NOTCH2NLR: variants seen among roughly 807,000 people sequenced by gnomAD.
NOTCH2NLR encodes the protein notch 2 N-terminal like R (pseudogene).
Under a neutral mutation model 35.6 loss-of-function variants are expected in NOTCH2NLR, and 33 were observed. That is an observed-to-expected ratio of 0.93 (90% CI 0.70 to 1.24). The LOEUF (loss-of-function observed/expected upper bound fraction) is 1.24, where lower values mean the gene tolerates loss of function less well. NOTCH2NLR is among the 50% of genes most tolerant of loss of function. The pLI is 0.00. For missense variants in NOTCH2NLR, 276 were observed against 362.2 expected, an observed-to-expected ratio of 0.76 and a Z score of 1.93; for synonymous variants, 103 against 141.0, an observed-to-expected ratio of 0.73 and a Z score of 1.91.
rs1651511124 is a variant in NOTCH2NLR at position 120,793,080 on chromosome 1, C to T, written c.416-81C>T. Reference sequence around the variant, plus strand: ...TTGAGGTCTTCTCCACGCAAGAGCTCGCTGATGTCAATGAGGTATTGAGGA... The same window carrying T: ...TTGAGGTCTTCTCCACGCAAGAGCTTGCTGATGTCAATGAGGTATTGAGGA... On this transcript the variant is annotated intron_variant, in intron 3 of 4. Coordinates refer to ENST00000624419, the Ensembl canonical transcript of NOTCH2NLR. 16 of 654,334 alleles carry T rather than the reference C, an allele frequency of 2.4e-5. 2 individuals carry two copies. Among genetic ancestry groups the T allele is most frequent in the Middle Eastern group, 5.5e-4 (2 of 3,608 alleles). The allele number at this position is 654,334 out of a possible 1,614,324, so 40.5% of individuals were successfully genotyped here. A position where few individuals can be genotyped will look rare whatever the true frequency, so the allele number is the denominator to read the frequency against.
In NOTCH2NLR at chr1:120,759,717, T is replaced by C. The variant is rs1651113152; in HGVS notation, c.74-3911T>C. Among the ~76,000 whole-genome samples, 2 of 113,026 alleles carry C rather than the reference T, an allele frequency of 1.8e-5. 1 individual carries two copies. The highest frequency in any genetic ancestry group is 5.1e-4 in the South Asian group (2 of 3,954). The allele number at this position is 113,026 out of a possible 152,430, so 74.1% of individuals were successfully genotyped here. On this transcript the variant is annotated intron_variant, in intron 1 of 4. Transcript: ENST00000624419. ...TTTCTTTTTTTAAAAATTAGAATTG[T>C]CAATTTATAGTTGTATACATTTATA...
At chr1:120,752,519 AATATATATAT>A (rs1204399606) in intron 1 of NOTCH2NLR, among the ~76,000 whole-genome samples, 1 of 14,666 alleles carries the variant, frequency 6.8e-5, no homozygotes, top group Non-Finnish European at 1.0e-4. Flanking sequence ...GAAGTTCAGG[AATATATATAT>A]ATATATATAT....
rs1472765274 is a variant in NOTCH2NLR at position 120,752,548 on chromosome 1, ATATATATTT to A, written c.74-11078_74-11070del. The stretch of plus-strand genomic sequence containing the variant: ...TATATATATATATATATATATATAT[ATATATATTT>A]TTTTTTTTTTTTTTTTTCTTTTTTT... On this transcript the variant is annotated intron_variant, in intron 1 of 4. Transcript: ENST00000624419. 8.0e-4 allele frequency among the ~76,000 whole-genome samples: 9 copies of A among 11,270 alleles called. No individual in the cohort carries two copies. In the East Asian group the frequency reaches 0.014, roughly 18 times the overall value. 7.4% of individuals were successfully genotyped at this position (11,270 alleles called of 152,430 possible). A position where few individuals can be genotyped will look rare whatever the true frequency, so the allele number is the denominator to read the frequency against.
rs1480328271 is a variant in NOTCH2NLR at position 120,775,767 on chromosome 1, G to A, written c.156-9207G>A. 3.3e-4 allele frequency among the ~76,000 whole-genome samples: 25 copies of A among 76,556 alleles called. 1 individual carries two copies. Among genetic ancestry groups the A allele is most frequent in the East Asian group, 5.5e-4 (2 of 3,626 alleles). 50.2% of individuals were successfully genotyped at this position (76,556 alleles called of 152,430 possible). A position where few individuals can be genotyped will look rare whatever the true frequency, so the allele number is the denominator to read the frequency against. On this transcript the variant is annotated intron_variant, in intron 2 of 4. Coordinates refer to ENST00000624419, the Ensembl canonical transcript of NOTCH2NLR. Reference sequence around the variant, plus strand: ...TGTAGTCAGTCTTTTATCAACAACCGATGAAAGACTAATAAAAGTGCAAGA... The same window carrying A: ...TGTAGTCAGTCTTTTATCAACAACCAATGAAAGACTAATAAAAGTGCAAGA...
At position 120,758,875 on chromosome 1, in the gene NOTCH2NLR, C is replaced by T. The variant is rs1651103467; in HGVS notation, c.74-4753C>T. On this transcript the variant is annotated intron_variant, in intron 1 of 4. Coordinates refer to ENST00000624419, the Ensembl canonical transcript of NOTCH2NLR. ...TACATTGTAGCTCAAAGCATACCTC[C>T]TCAGGGAGGCCTTTCCTAGACACTA... Among the ~76,000 whole-genome samples, 2 of 78,406 alleles carry T rather than the reference C, an allele frequency of 2.6e-5. 1 individual carries two copies. The highest frequency in any genetic ancestry group is 4.5e-5 in the Non-Finnish European group (2 of 44,640). The allele number at this position is 78,406 out of a possible 152,430, so 51.4% of individuals were successfully genotyped here.
At chr1:120,729,034 G>C (rs1382773292) in intron 1 of NOTCH2NLR, among the ~76,000 whole-genome samples, 1 of 116,126 alleles carries the variant, frequency 8.6e-6, no homozygotes, top group Non-Finnish European at 1.6e-5. Context: ...TGAGTGGCAG[G>C]TCTTAGTCAC....
exon 3 of NOTCH2NLR, chr1:120,785,187 G>C (rs1651411931): frequency 6.9e-7 from 1 of 1,445,242 alleles, no homozygotes. Context: ...CATGCCATAT[G>C]CTCAGCCGGG....
At position 120,776,190 on chromosome 1, in the gene NOTCH2NLR, T is replaced by A. The variant is rs1428855957; in HGVS notation, c.156-8784T>A. Among the ~76,000 whole-genome samples, 5 of 116,834 alleles carry A rather than the reference T, an allele frequency of 4.3e-5. 1 individual carries two copies. The highest frequency in any genetic ancestry group is 1.6e-5 in the Non-Finnish European group (1 of 60,986). The allele number at this position is 116,834 out of a possible 152,430, so 76.6% of individuals were successfully genotyped here. ...ATGAGAATTAATAATTTTAGTCTGT[T>A]GACAGATAATCATAATAAGGGCTAA... On this transcript the variant is annotated intron_variant, in intron 2 of 4. Transcript: ENST00000624419.
intron 2 of NOTCH2NLR, among the ~76,000 whole-genome samples, chr1:120,767,723 C>CT (rs1292572416): frequency 1.7e-5 from 2 of 115,800 alleles, no homozygotes; most frequent in African/African-American, 1.0e-4. Flanking sequence ...TCATTAATCA[C>CT]TTTCAAGTTG....
chr1:120,768,204 C>T (rs1651215599), intron 2 of NOTCH2NLR, among the ~76,000 whole-genome samples: 3 of 114,304 alleles, frequency 2.6e-5, no homozygotes, highest in Admixed American at 2.5e-4. Context: ...GGATAGGGCT[C>T]TTATTCCCAA....
At position 120,781,512 on chromosome 1, in the gene NOTCH2NLR, T is replaced by A. The variant is rs1175390493; in HGVS notation, c.156-3462T>A. ...TAGCCTAGTGTTGAAGCACACGCAC[T>A]CTAGAGTCTACTTGGGTTTGAATCC... On this transcript the variant is annotated intron_variant, in intron 2 of 4. Transcript: ENST00000624419. Among the ~76,000 whole-genome samples the A allele has an allele frequency of 2.3e-3, 102 of 44,914 alleles. 14 individuals carry two copies. The highest frequency in any genetic ancestry group is 2.3e-3 in the Non-Finnish European group (63 of 27,054). 29.5% of individuals were successfully genotyped at this position (44,914 alleles called of 152,430 possible).
At chr1:120,784,061 G>C (rs1651395124) in intron 2 of NOTCH2NLR, among the ~76,000 whole-genome samples, 1 of 116,620 alleles carries the variant, frequency 8.6e-6, no homozygotes, top group East Asian at 2.1e-4. Context: ...TTAGGCTACA[G>C]TCATAGAAGG....
chr1:120,776,330 G>T, intron 2 of NOTCH2NLR, among the ~76,000 whole-genome samples: 1 of 94,762 alleles, frequency 1.1e-5, no homozygotes, highest in Middle Eastern at 4.5e-3. Context: ...CCATGAGAAA[G>T]TGGGGAAAAG....
At chr1:120,756,608 TA>T (rs1651083105) in intron 1 of NOTCH2NLR, among the ~76,000 whole-genome samples, 1 of 117,692 alleles carries the variant, frequency 8.5e-6, no homozygotes. Context: ...ATGCAACAAG[TA>T]AAACACATTG....
chr1:120,785,018 C>A, exon 3 of NOTCH2NLR: 2 of 1,424,426 alleles, frequency 1.4e-6, no homozygotes, highest in Non-Finnish European at 1.9e-6. Flanking sequence ...CATCGAGACC[C>A]CTGTGAGAAG....
Position 120,782,689 on chromosome 1 carries a change from TTTA to T in NOTCH2NLR, c.156-2282_156-2280del, listed in dbSNP as rs1336680391. ...TATTTCATTTATGGATATACCACAT[TTTA>T]TTTATCTGTTCATCAGCTTATAGGC... On this transcript the variant is annotated intron_variant, in intron 2 of 4. Coordinates refer to ENST00000624419, the Ensembl canonical transcript of NOTCH2NLR. Among the ~76,000 whole-genome samples the T allele has an allele frequency of 4.8e-3, 444 of 92,536 alleles. 93 individuals carry two copies. Among genetic ancestry groups the T allele is most frequent in the African/African-American group, 0.031 (429 of 13,930 alleles). The allele number at this position is 92,536 out of a possible 152,430, so 60.7% of individuals were successfully genotyped here.
chr1:120,792,501 A>G (rs1481147503), intron 3 of NOTCH2NLR, among the ~76,000 whole-genome samples: 1 of 106,956 alleles, frequency 9.3e-6, no homozygotes, highest in Non-Finnish European at 1.8e-5. Flanking sequence ...ACAGAAGGGA[A>G]GTTGATTTTT....
chr1:120,766,110 C>T (rs1285213071), intron 2 of NOTCH2NLR, among the ~76,000 whole-genome samples: 1 of 41,888 alleles, frequency 2.4e-5, no homozygotes, highest in Admixed American at 2.3e-4. Context: ...AACAAACCTG[C>T]ACATTCTGCA....
Position 120,734,371 on chromosome 1 carries a change from A to G in NOTCH2NLR, c.73+10121A>G, listed in dbSNP as rs1316025064. The stretch of plus-strand genomic sequence containing the variant: ...GAATGAGGACATTTCTGATCAACCA[A>G]GGAAGGAAACCTATTTGAAGGATTA... On this transcript the variant is annotated intron_variant, in intron 1 of 4. Transcript: ENST00000624419. Among the ~76,000 whole-genome samples the G allele has an allele frequency of 8.6e-5, 6 of 69,892 alleles. 1 individual carries two copies. The highest frequency in any genetic ancestry group is 1.6e-4 in the Non-Finnish European group (6 of 38,624). The allele number at this position is 69,892 out of a possible 152,430, so 45.9% of individuals were successfully genotyped here. A position where few individuals can be genotyped will look rare whatever the true frequency, so the allele number is the denominator to read the frequency against.
Sources: gnomAD v4.1 joint callset for allele counts (sites outside exome capture counted in the v4.1 genomes callset) on GRCh38, gnomAD v4.1.1 for gene constraint, MANE v1.5 for transcripts, NCBI Gene and HGNC (gene_info 2026-07-23, HGNC 2026-07-21) for gene names.